ACADM: variants seen among roughly 807,000 people sequenced by gnomAD.
ACADM encodes the protein medium-chain specific acyl-CoA dehydrogenase, mitochondrial.
ACADM carries 49 observed loss-of-function variants against 58.9 expected under a neutral mutation model. The ratio of observed to expected loss-of-function variants is 0.83; its 90% CI spans 0.66 to 1.06. The LOEUF is 1.06. Ranked by LOEUF, ACADM falls within the 50% of genes least tolerant of loss-of-function variation. The probability of loss-of-function intolerance (pLI) is 0.00; values close to 1 mark genes in which losing one functional copy is unlikely to be tolerated. For synonymous variants in ACADM, 160 were observed against 157.7 expected (o/e 1.01, Z -0.11); for missense variants, 496 against 507.0 (o/e 0.98, Z 0.21).
intron 5 of ACADM, among the ~76,000 whole-genome samples, chr1:75,734,178 TTTTGA>T (rs1647198229): frequency 1.4e-5 from 2 of 145,006 alleles, no homozygotes; most frequent in African/African-American, 5.2e-5. Context: ...TTTTTTTTTT[TTTTGA>T]GACGGAGTCT....
At chr1:75,745,649 A>G in intron 7 of ACADM, 157 bp from the exon 8 acceptor site, 1 of 679,772 alleles carries the variant, frequency 1.5e-6, no homozygotes, top group Non-Finnish European at 2.7e-6. Context: ...TATACTAGGT[A>G]CGTGACTAGG....
chr1:75,733,608 A>G lies in ACADM; in HGVS notation c.367A>G (p.Ile123Val), dbSNP rs1378189627. ...TGGATGTACAGGGGTTCAGACTGCT[A>G]TTGAAGGAAATTCTTTGGGGGTAAG... ...AYGCTGVQTA[I>V]EGNSLGQMPI... Residue 123 changes from isoleucine to valine, a missense_variant, in exon 5 of 12, where the codon ATT becomes GTT. By Grantham distance (29) the Ile-to-Val change is conservative. Transcript: ENST00000370841. The G allele has an allele frequency of 1.9e-6, 3 of 1,613,730 alleles. No homozygotes were observed. The highest frequency in any genetic ancestry group is 1.3e-5 in the African/African-American group (1 of 75,040).
chr1:75,762,249 C>T (rs1039996795), intron 11 of ACADM, among the ~76,000 whole-genome samples: 1 of 151,926 alleles, frequency 6.6e-6, no homozygotes, highest in African/African-American at 2.4e-5. Context: ...CTCTTGAAAT[C>T]CTTCCAGCAT....
intron 7 of ACADM, 177 bp from the exon 8 acceptor site, chr1:75,745,629 A>G (rs1557454837): frequency 1.6e-6 from 1 of 633,066 alleles, no homozygotes; most frequent in Non-Finnish European, 2.8e-6. Flanking sequence ...CTCAAATACT[A>G]GCTCTTCCAT....
rs912900449 is a variant in ACADM at position 75,762,930 on chromosome 1, C to T, written c.*167C>T. The stretch of plus-strand genomic sequence containing the variant: ...ATACTTTTGCTTAACTCTGTTATGT[C>T]TCTTAAGCAGGTTTGGTTTTTATTA... On this transcript the variant is annotated 3_prime_UTR_variant, in exon 12 of 12. Coordinates refer to ENST00000370841, the MANE Select transcript of ACADM (RefSeq NM_000016.6). 1.9e-6 allele frequency: 1 copy of T among 525,642 alleles called. No homozygotes were observed. The highest frequency in any genetic ancestry group is 3.5e-5 in the Admixed American group (1 of 28,962). The allele number at this position is 525,642 out of a possible 1,614,324, so 32.6% of individuals were successfully genotyped here. A position where few individuals can be genotyped will look rare whatever the true frequency, so the allele number is the denominator to read the frequency against.
chr1:75,734,259 G>C (rs1474972079), intron 5 of ACADM, among the ~76,000 whole-genome samples: 1 of 149,888 alleles, frequency 6.7e-6, no homozygotes, highest in Non-Finnish European at 1.5e-5. Context: ...CGCCTCCCAG[G>C]TTCACGCCAT....
chr1:75,745,739 T>C, intron 7 of ACADM, 67 bp from the exon 8 acceptor site: 1 of 1,105,398 alleles, frequency 9.0e-7, no homozygotes, highest in Non-Finnish European at 1.4e-6. Flanking sequence ...GAGAATTAAC[T>C]GAGAGAGCAA....
intron 10 of ACADM, among the ~76,000 whole-genome samples, chr1:75,751,380 AC>A (rs1648194935): frequency 6.6e-6 from 1 of 151,724 alleles, no homozygotes; most frequent in South Asian, 2.1e-4. Context: ...TCTCTCAGTA[AC>A]CCTTTTTTGG....
At chr1:75,744,673 G>C in intron 7 of ACADM, 1 of 840,146 alleles carries the variant, frequency 1.2e-6, no homozygotes, top group Non-Finnish European at 2.1e-6. Flanking sequence ...CTGGCATAAG[G>C]AGACCCCAGG....
chr1:75,724,939 C>A, intron 1 of ACADM, 122 bp downstream of exon 1: 1 of 1,087,912 alleles, frequency 9.2e-7, no homozygotes, highest in Non-Finnish European at 1.2e-6. Flanking sequence ...GAGGAAGGAG[C>A]CAGCCTAGGG....
chr1:75,739,553 C>T (rs937851866), intron 6 of ACADM, among the ~76,000 whole-genome samples: 3 of 152,142 alleles, frequency 2.0e-5, no homozygotes, highest in African/African-American at 7.2e-5. Flanking sequence ...CCTGTAGTCC[C>T]AGCACTTTGG....
intron 11 of ACADM, 141 bp from the exon 12 acceptor site, chr1:75,762,550 AT>A: frequency 2.2e-6 from 1 of 448,444 alleles, no homozygotes; most frequent in Non-Finnish European, 4.1e-6. Flanking sequence ...AGGTTTTGGA[AT>A]CTGTAGAGGC....
intron 11 of ACADM, 148 bp downstream of exon 11, chr1:75,761,518 T>C (rs568523484): frequency 1.2e-6 from 1 of 812,334 alleles, no homozygotes; most frequent in African/African-American, 1.7e-5. Context: ...TGGAATTAAT[T>C]AATAGAAAGA....
At chr1:75,727,194 G>A (rs146032484) in intron 1 of ACADM, among the ~76,000 whole-genome samples, 1 of 152,284 alleles carries the variant, frequency 6.6e-6, no homozygotes, top group East Asian at 1.9e-4. Context: ...TATGAGGTAT[G>A]TTATTTGGAA....
At position 75,724,733 on chromosome 1, in the gene ACADM, A is replaced by C. The variant is rs898653016; in HGVS notation, c.-55A>C. The C allele has an allele frequency of 9.1e-6, 14 of 1,540,402 alleles. No individual in the cohort carries two copies. Among genetic ancestry groups the C allele is most frequent in the Middle Eastern group, 1.7e-4 (1 of 5,816 alleles). Reference sequence around the variant, plus strand: ...CAGAGGAGTCCCGCGTTCGGGGAGTATGTCAAGGCCGTGACCCGTGTATTA... The same window carrying C: ...CAGAGGAGTCCCGCGTTCGGGGAGTCTGTCAAGGCCGTGACCCGTGTATTA... On this transcript the variant is annotated 5_prime_UTR_variant, in exon 1 of 12. It removes an upstream start codon present in the reference 5' UTR. Transcript: ENST00000370841.
intron 10 of ACADM, chr1:75,750,749 G>T: frequency 1.7e-6 from 1 of 583,248 alleles, no homozygotes; most frequent in African/African-American, 1.9e-5. Context: ...ACTGTGCTAT[G>T]CATTTTTTTT....
intron 10 of ACADM, 64 bp from the exon 11 acceptor site, chr1:75,761,058 C>G: frequency 6.7e-7 from 1 of 1,495,052 alleles, no homozygotes; most frequent in Non-Finnish European, 9.1e-7. Context: ...ATGAAAAAGC[C>G]CCAGGAAAAA....
chr1:75,761,149 G>A lies in ACADM; in HGVS notation c.973G>A (p.Glu325Lys). The stretch of plus-strand genomic sequence containing the variant: ...CCAAGCAATATCATTTATGCTGGCT[G>A]AAATGGCAATGAAAGTTGAACTAGC... Reference protein sequence around the residue: ...EHQAISFMLAEMAMKVELARM... With the variant: ...EHQAISFMLAKMAMKVELARM... The change falls in exon 11 of 12, where the codon GAA becomes AAA. Residue 325 changes from glutamate (E) to lysine (K), a missense_variant. By Grantham distance (56) the Glu-to-Lys change is moderately conservative. Coordinates refer to ENST00000370841, the MANE Select transcript of ACADM (RefSeq NM_000016.6). The A allele has an allele frequency of 6.2e-7, 1 of 1,614,050 alleles. No individual in the cohort carries two copies. Among genetic ancestry groups the A allele is most frequent in the Non-Finnish European group, 8.5e-7 (1 of 1,179,910 alleles).
intron 2 of ACADM, among the ~76,000 whole-genome samples, chr1:75,729,295 CTTTT>C (rs35372302): frequency 1.2e-5 from 1 of 85,344 alleles, no homozygotes; most frequent in African/African-American, 5.1e-5. Context: ...TTTCTTTTTT[CTTTT>C]TTTTTTTTTT....
Sources: gnomAD v4.1 joint callset for allele counts (sites outside exome capture counted in the v4.1 genomes callset) on GRCh38, gnomAD v4.1.1 for gene constraint, MANE v1.5 for transcripts, NCBI Gene and HGNC (gene_info 2026-07-23, HGNC 2026-07-21) for gene names.